The following HLCS variants were observed in gnomAD, a reference collection of about 807,000 sequenced individuals.
The protein encoded by HLCS is biotin--protein ligase.
In HLCS, 53 loss-of-function variants were observed where a neutral mutation model predicts 75.0. That is an observed-to-expected ratio of 0.71 (90% CI 0.57 to 0.89). The LOEUF (loss-of-function observed/expected upper bound fraction) is 0.89, where lower values mean the gene tolerates loss of function less well. Among genes scored for constraint, HLCS ranks in the 40% least tolerant of loss-of-function variants. The pLI is 0.00. For missense variants in HLCS, 966 were observed against 1,074.0 expected (o/e 0.90, Z 1.41); for synonymous variants, 431 against 428.6 (o/e 1.01, Z -0.07).
chr21:36,807,898 C>G (rs2061407261), intron 6 of HLCS, among the ~76,000 whole-genome samples: 1 of 152,060 alleles, frequency 6.6e-6, no homozygotes, highest in Non-Finnish European at 1.5e-5. Context: ...CACAACTGTT[C>G]ACTTAGAAAA....
intron 6 of HLCS, among the ~76,000 whole-genome samples, chr21:36,792,405 A>G (rs2060894552): frequency 6.6e-6 from 1 of 151,024 alleles, no homozygotes; most frequent in African/African-American, 2.4e-5. Context: ...TTAGACCTGC[A>G]AAAATGGCTC....
chr21:36,790,079 T>C (rs1601257212), intron 6 of HLCS, among the ~76,000 whole-genome samples: 1 of 152,224 alleles, frequency 6.6e-6, no homozygotes, highest in South Asian at 2.1e-4. Flanking sequence ...ACCTGTTTCA[T>C]TATATCCTTG....
At chr21:36,966,878 GGGCT>G (rs2068629260), upstream of HLCS, among the ~76,000 whole-genome samples, 1 of 150,850 alleles carries the variant, frequency 6.6e-6, no homozygotes, top group Non-Finnish European at 1.5e-5. Context: ...GCCGCGCCCA[GGGCT>G]GGTGGCGGCG....
At chr21:36,973,534 G>A (rs1032840169) in intron 1 of HLCS, 3 of 152,118 alleles carry the variant, frequency 2.0e-5, no homozygotes, top group African/African-American at 7.2e-5. Flanking sequence ...CTGGAATTCT[G>A]GGCTCTACCC....
intron 5 of HLCS, among the ~76,000 whole-genome samples, chr21:36,914,870 G>A (rs925633366): frequency 3.3e-4 from 50 of 152,184 alleles, no homozygotes; most frequent in African/African-American, 1.1e-3. Context: ...CAAGGAAAAC[G>A]CCCGCCATTT....
chr21:36,888,743 C>A (rs11702727), intron 6 of HLCS, among the ~76,000 whole-genome samples: 61,128 of 151,244 alleles, frequency 0.4, 14,481 homozygotes, highest in Admixed American at 0.55. Flanking sequence ...TGTTCCAACG[C>A]CCCTGATCTC....
At chr21:36,935,839 A>T (rs2066854637) in intron 4 of HLCS, among the ~76,000 whole-genome samples, 2 of 152,176 alleles carry the variant, frequency 1.3e-5, no homozygotes, top group Non-Finnish European at 1.5e-5. Context: ...TCCTCTTTCC[A>T]TTTTCCCCCT....
chr21:36,864,279 A>G (rs1436935990), intron 6 of HLCS, among the ~76,000 whole-genome samples: 6 of 152,154 alleles, frequency 3.9e-5, no homozygotes, highest in African/African-American at 1.4e-4. Flanking sequence ...GTGTGCCTGT[A>G]ATTCCAGCTA....
At chr21:36,987,427 G>T (rs1452266053) in intron 1 of HLCS, among the ~76,000 whole-genome samples, 1 of 151,950 alleles carries the variant, frequency 6.6e-6, no homozygotes, top group African/African-American at 2.4e-5. Context: ...AGCATGGCTA[G>T]CATGGTGAAA....
chr21:36,765,009 T>C lies in HLCS; in HGVS notation c.2121+3A>G. The C allele has an allele frequency of 6.2e-7, 1 of 1,614,156 alleles. No individual in the cohort carries two copies. Among genetic ancestry groups the C allele is most frequent in the Non-Finnish European group, 8.5e-7 (1 of 1,179,968 alleles). ...ACATAGAAGGAGACTGAACTGTACC[T>C]ACCTGATACTCGGGAATGGACCTCA... is the stretch of plus-strand genomic sequence containing the variant. On this transcript the variant is annotated splice_donor_region_variant and intron_variant, in intron 8 of 10. Transcript: ENST00000674895.
At chr21:36,864,481 C>A (rs79245021) in intron 6 of HLCS, among the ~76,000 whole-genome samples, 2,321 of 152,118 alleles carry the variant, frequency 0.015, 57 homozygotes, top group African/African-American at 0.052. Context: ...TTCTACTTCA[C>A]CCCAATTCCA....
intron 2 of HLCS, among the ~76,000 whole-genome samples, chr21:36,953,261 T>A (rs1166277577): frequency 6.6e-6 from 1 of 152,204 alleles, no homozygotes; most frequent in Non-Finnish European, 1.5e-5. Flanking sequence ...CATGCCAAGA[T>A]GGATCACAGT....
At chr21:36,780,238 T>A (rs2060485403) in intron 6 of HLCS, among the ~76,000 whole-genome samples, 1 of 152,050 alleles carries the variant, frequency 6.6e-6, no homozygotes, top group African/African-American at 2.4e-5. Flanking sequence ...TTCATAGAGC[T>A]TTTCCTCATT....
At chr21:36,906,536 A>G (rs904492431) in intron 5 of HLCS, among the ~76,000 whole-genome samples, 1 of 152,206 alleles carries the variant, frequency 6.6e-6, no homozygotes, top group Non-Finnish European at 1.5e-5. Flanking sequence ...CATCTCAAAA[A>G]CACAAAAAGA....
At chr21:36,873,805 T>C (rs948193981) in intron 6 of HLCS, among the ~76,000 whole-genome samples, 2 of 152,204 alleles carry the variant, frequency 1.3e-5, no homozygotes, top group African/African-American at 4.8e-5. Flanking sequence ...TTCACTATGT[T>C]GCCCAGGCTG....
chr21:36,859,999 A>G lies in HLCS; in HGVS notation c.1892+36861T>C, dbSNP rs545969092. ...TGCAGGTCGCATATTTACTCAATCAATATTCATGCAGAGTCCACTCTACAG... is the reference window on the plus strand; with the variant it reads ...TGCAGGTCGCATATTTACTCAATCAGTATTCATGCAGAGTCCACTCTACAG... On this transcript the variant is annotated intron_variant, in intron 6 of 10. Coordinates refer to ENST00000674895, the MANE Select transcript of HLCS (RefSeq NM_001352514.2). Among the ~76,000 whole-genome samples the G allele has an allele frequency of 7.4e-4, 113 of 152,334 alleles. 1 individual carries two copies. Among genetic ancestry groups the G allele is most frequent in the Middle Eastern group, 6.8e-3 (2 of 294 alleles).
rs528215060 is a variant in HLCS at position 36,983,653 on chromosome 21, T to C, written c.-393+6505A>G. Among the ~76,000 whole-genome samples, 8 of 151,660 alleles carry C rather than the reference T, an allele frequency of 5.3e-5. No homozygotes were observed. The South Asian group carries it at 1.5e-3, about 28-fold the overall frequency. Reference sequence around the variant, plus strand: ...GAGATCGAGACCATCCTGGTTAACATGGTGAAACCCAGTCTCTACTAAAAA... The same window carrying C: ...GAGATCGAGACCATCCTGGTTAACACGGTGAAACCCAGTCTCTACTAAAAA... On this transcript the variant is annotated intron_variant, in intron 1 of 11. Transcript: ENST00000336648.
intron 6 of HLCS, among the ~76,000 whole-genome samples, chr21:36,787,261 A>G (rs368296852): frequency 4.3e-4 from 66 of 152,154 alleles, no homozygotes; most frequent in African/African-American, 1.6e-3. Flanking sequence ...GCAGTCCTCC[A>G]GGGCCACCGT....
intron 6 of HLCS, among the ~76,000 whole-genome samples, chr21:36,868,227 G>T (rs1184851543): frequency 1.3e-5 from 2 of 149,966 alleles, no homozygotes; most frequent in East Asian, 1.9e-4. Context: ...AAAAGAGAGA[G>T]AAAGAGAAAG....
Sources: allele counts gnomAD v4.1 joint callset (sites outside exome capture counted in the v4.1 genomes callset), GRCh38; gene constraint gnomAD v4.1.1; transcripts MANE v1.5; gene names NCBI Gene and HGNC (gene_info 2026-07-23, HGNC 2026-07-21).